GALR1: variants seen among roughly 807,000 people sequenced by gnomAD.
GALR1 encodes the protein galanin receptor type 1.
Under a neutral mutation model 17.9 loss-of-function variants are expected in GALR1, and 11 were observed. The observed-to-expected ratio is 0.62, with a 90% CI of 0.39 to 1.02. The LOEUF is 1.02. GALR1 is among the 50% of genes least tolerant of loss of function. The pLI, the probability that GALR1 is intolerant of heterozygous loss-of-function variation, is 0.01. For missense variants in GALR1, 441 were observed against 456.9 expected (o/e 0.97, Z 0.32); for synonymous variants, 206 against 205.7 (o/e 1.00, Z -0.01).
intron 2 of GALR1, among the ~76,000 whole-genome samples, chr18:77,261,000 G>GT (rs35156015): frequency 1.6e-4 from 24 of 145,658 alleles, no homozygotes; most frequent in Admixed American, 5.5e-4. Flanking sequence ...AATTTGTGAG[G>GT]TTTTTTTTTT....
rs770801123 is a variant in GALR1, at chr18:77,250,727, G to A, written c.179G>A (p.Arg60His). 6.8e-6 allele frequency: 11 copies of A among 1,613,726 alleles called. No individual in the cohort carries two copies. The Middle Eastern group carries it at 5.0e-4, about 73-fold the overall frequency. Residue 60 changes from arginine (R) to histidine (H), a missense_variant, in exon 1 of 3, where the codon CGC becomes CAC. Physicochemically the swap from Arg to His is conservative, Grantham distance 29. Coordinates refer to ENST00000299727, the MANE Select transcript of GALR1 (RefSeq NM_001480.4). ...AGCCTAGTGATCACCGTGCTGGCGC[G>A]CAGCAAGCCGGGCAAGCCGCGGAGC... The part of the protein sequence containing the change: ...GNSLVITVLA[R>H]SKPGKPRSTT...
At position 77,269,083 on chromosome 18, in the gene GALR1, G is replaced by C. The variant is rs912792063; in HGVS notation, c.*181G>C. 3.5e-6 allele frequency: 2 copies of C among 578,322 alleles called. No individual in the cohort carries two copies. Among genetic ancestry groups the C allele is most frequent in the Admixed American group, 6.9e-5 (2 of 29,184 alleles). The allele number at this position is 578,322 out of a possible 1,614,324, so 35.8% of individuals were successfully genotyped here. On this transcript the variant is annotated 3_prime_UTR_variant, in exon 3 of 3. Transcript: ENST00000299727. ...TCCATTTAGGAAATTCCTAGGTCTA[G>C]TGAGAATTATTTTTCAATTTTATTT... is the stretch of plus-strand genomic sequence containing the variant.
At chr18:77,254,828 C>T (rs1051021215) in intron 1 of GALR1, among the ~76,000 whole-genome samples, 12 of 152,206 alleles carry the variant, frequency 7.9e-5, no homozygotes, top group Non-Finnish European at 1.3e-4. Flanking sequence ...TCCTGCGGCA[C>T]GTAAACACTT....
rs952059753 is a variant in GALR1 at position 77,277,384 on chromosome 18, T to G, written c.*8482T>G. ...TGCGATAGTGAGTTCTCAGGAGATCTGATGGTTTTATAAGCATCTAGCATT... is the reference window on the plus strand; with the variant it reads ...TGCGATAGTGAGTTCTCAGGAGATCGGATGGTTTTATAAGCATCTAGCATT... On this transcript the variant is annotated 3_prime_UTR_variant, in exon 3 of 3. Coordinates refer to ENST00000299727, the MANE Select transcript of GALR1 (RefSeq NM_001480.4). The G allele has an allele frequency of 6.6e-6, 1 of 152,230 alleles. No individual in the cohort carries two copies. The highest frequency in any genetic ancestry group is 1.5e-5 in the Non-Finnish European group (1 of 68,062). 9.4% of individuals were successfully genotyped at this position (152,230 alleles called of 1,614,324 possible).
At chr18:77,267,689 C>A (rs1481742584) in intron 2 of GALR1, among the ~76,000 whole-genome samples, 9 of 152,296 alleles carry the variant, frequency 5.9e-5, no homozygotes, top group Non-Finnish European at 1.3e-4. Flanking sequence ...TGGATCATTG[C>A]CTTTTCTTTG....
chr18:77,267,778 G>A (rs1912974664), intron 2 of GALR1, among the ~76,000 whole-genome samples: 1 of 152,238 alleles, frequency 6.6e-6, no homozygotes, highest in Admixed American at 6.5e-5. Context: ...GAACAGACGA[G>A]GTTGCCCTGA....
At position 77,272,599 on chromosome 18, in the gene GALR1, A is replaced by G. The variant is rs1348981447; in HGVS notation, c.*3697A>G. ...TACTGTCTAAAATTTGTAAATTTTA[A>G]TCTTCACTGTTGCACATATTTTCCA... On this transcript the variant is annotated 3_prime_UTR_variant, in exon 3 of 3. Coordinates refer to ENST00000299727, the MANE Select transcript of GALR1 (RefSeq NM_001480.4). The G allele has an allele frequency of 6.6e-6, 1 of 152,230 alleles. No individual in the cohort carries two copies. Among genetic ancestry groups the G allele is most frequent in the Non-Finnish European group, 1.5e-5 (1 of 68,038 alleles). The allele number at this position is 152,230 out of a possible 1,614,324, so 9.4% of individuals were successfully genotyped here. A position where few individuals can be genotyped will look rare whatever the true frequency, so the allele number is the denominator to read the frequency against.
At position 77,269,131 on chromosome 18, in the gene GALR1, A is replaced by C. The variant is rs761040167; in HGVS notation, c.*229A>C. On this transcript the variant is annotated 3_prime_UTR_variant, in exon 3 of 3. Coordinates refer to ENST00000299727, the MANE Select transcript of GALR1 (RefSeq NM_001480.4). ...TTTTAGTTCTAAATTATGTTTCAGA[A>C]ACAAAAGACAATGCTGTACAGTTTT... 7.7e-6 allele frequency: 4 copies of C among 521,126 alleles called. No individual in the cohort carries two copies. Among genetic ancestry groups the C allele is most frequent in the Non-Finnish European group, 1.4e-5 (4 of 295,516 alleles). The allele number at this position is 521,126 out of a possible 1,614,324, so 32.3% of individuals were successfully genotyped here. A position where few individuals can be genotyped will look rare whatever the true frequency, so the allele number is the denominator to read the frequency against.
In GALR1 at chr18:77,251,149, G is replaced by T. The variant is rs1163498188; in HGVS notation, c.601G>T (p.Val201Leu). The T allele has an allele frequency of 1.2e-6, 2 of 1,612,970 alleles. No homozygotes were observed. Among genetic ancestry groups the T allele is most frequent in the African/African-American group, 2.7e-5 (2 of 74,942 alleles). ...CGACCCTCGCCACAAGAAGGCCTAC[G>T]TGGTGTGCACCTTCGTCTTCGGCTA... ...WPDPRHKKAYVVCTFVFGYLL... is the reference protein window; with the variant it reads ...WPDPRHKKAYLVCTFVFGYLL... The change falls in exon 1 of 3, where the codon GTG becomes TTG. Residue 201 changes from valine (V) to leucine (L), a missense_variant. Physicochemically the swap from Val to Leu is conservative, Grantham distance 32. Coordinates refer to ENST00000299727, the MANE Select transcript of GALR1 (RefSeq NM_001480.4).
At chr18:77,258,747 T>C (rs1912685361) in intron 2 of GALR1, among the ~76,000 whole-genome samples, 1 of 116,704 alleles carries the variant, frequency 8.6e-6, no homozygotes, top group Non-Finnish European at 1.8e-5. Flanking sequence ...ATGATGGTTA[T>C]GGTGGTGATG....
In GALR1 at chr18:77,268,788, G is replaced by C. The variant is rs772751317; in HGVS notation, c.936G>C (p.Lys312Asn). The part of the protein sequence containing the change: ...IYAFLSENFR[K>N]AYKQVFKCHI... ...CATTTCTCTCTGAAAATTTCAGGAA[G>C]GCCTATAAACAAGTGTTCAAGTGTC... is the stretch of plus-strand genomic sequence containing the variant. The change falls in exon 3 of 3, where the codon AAG becomes AAC. Residue 312 changes from lysine to asparagine, a missense_variant. By Grantham distance (94) the Lys-to-Asn change is moderately conservative. Coordinates refer to ENST00000299727, the MANE Select transcript of GALR1 (RefSeq NM_001480.4). 2.5e-6 allele frequency: 4 copies of C among 1,613,874 alleles called. No homozygotes were observed. Among genetic ancestry groups the C allele is most frequent in the South Asian group, 2.2e-5 (2 of 91,082 alleles).
chr18:77,261,791 C>A (rs1473973475), intron 2 of GALR1, among the ~76,000 whole-genome samples: 2 of 152,090 alleles, frequency 1.3e-5, no homozygotes, highest in Admixed American at 6.6e-5. Flanking sequence ...TTATGTAATT[C>A]ATCAGTGGTT....
In GALR1 at chr18:77,252,941, C is replaced by T. The variant is rs142409016; in HGVS notation, c.666+1727C>T. ...ACCACCATCACCACCACCACCACCA[C>T]CACCACCATCACCACCATCACCACC... On this transcript the variant is annotated intron_variant, in intron 1 of 2. Coordinates refer to ENST00000299727, the MANE Select transcript of GALR1 (RefSeq NM_001480.4). 7.8e-3 allele frequency among the ~76,000 whole-genome samples: 407 copies of T among 52,292 alleles called. 1 individual carries two copies. Among genetic ancestry groups the T allele is most frequent in the Middle Eastern group, 0.035 (4 of 114 alleles). The allele number at this position is 52,292 out of a possible 152,430, so 34.3% of individuals were successfully genotyped here.
intron 2 of GALR1, among the ~76,000 whole-genome samples, chr18:77,262,661 A>G (rs1205586970): frequency 6.6e-6 from 1 of 152,188 alleles, no homozygotes; most frequent in Non-Finnish European, 1.5e-5. Flanking sequence ...ATAAACAAGA[A>G]AATAGTAATC....
Position 77,259,174 on chromosome 18 carries a change from G to C in GALR1, c.732+2951G>C, listed in dbSNP as rs1424708119. ...TCATGGTGGTGATGATGGTGGTGAT[G>C]ATGGTGGTGATGATGGTGGTGATGA... is the stretch of plus-strand genomic sequence containing the variant. On this transcript the variant is annotated intron_variant, in intron 2 of 2. Coordinates refer to ENST00000299727, the MANE Select transcript of GALR1 (RefSeq NM_001480.4). Among the ~76,000 whole-genome samples the C allele has an allele frequency of 4.5e-3, 20 of 4,430 alleles. 7 individuals carry two copies. Among genetic ancestry groups the C allele is most frequent in the East Asian group, 0.14 (2 of 14 alleles). The allele number at this position is 4,430 out of a possible 152,430, so 2.9% of individuals were successfully genotyped here.
chr18:77,251,155 T>G lies in GALR1; in HGVS notation c.607T>G (p.Cys203Gly). The G allele has an allele frequency of 6.2e-7, 1 of 1,612,312 alleles. No homozygotes were observed. Among genetic ancestry groups the G allele is most frequent in the Non-Finnish European group, 8.5e-7 (1 of 1,179,244 alleles). ...DPRHKKAYVV[C>G]TFVFGYLLPL... is the part of the protein sequence containing the mutation. ...TCGCCACAAGAAGGCCTACGTGGTG[T>G]GCACCTTCGTCTTCGGCTACCTGCT... The change falls in exon 1 of 3, where the codon TGC (cysteine) becomes GGC (glycine). Residue 203 changes from cysteine to glycine, a missense_variant. Physicochemically the swap from Cys to Gly is radical, Grantham distance 159. Coordinates refer to ENST00000299727, the MANE Select transcript of GALR1 (RefSeq NM_001480.4).
In GALR1 at chr18:77,250,788, C is replaced by A. The variant is rs374729499; in HGVS notation, c.240C>A (p.Ala80=). 1 of 1,614,006 alleles carries A rather than the reference C, an allele frequency of 6.2e-7. No homozygotes were observed. ...TNLFILNLSI[A]DLAYLLFCIP... ...TGTTCATCCTCAACCTGAGCATCGC[C>A]GACCTGGCCTACCTGCTCTTCTGCA... The change falls in exon 1 of 3, where the codon GCC becomes GCA. Residue 80 remains alanine (A), a synonymous_variant. Transcript: ENST00000299727.
In GALR1 at chr18:77,253,272, C is replaced by A. The variant is rs116416028; in HGVS notation, c.666+2058C>A. 5.8e-3 allele frequency among the ~76,000 whole-genome samples: 878 copies of A among 152,178 alleles called. 10 individuals carry two copies. The highest frequency in any genetic ancestry group is 0.02 in the African/African-American group (829 of 41,512). On this transcript the variant is annotated intron_variant, in intron 1 of 2. Coordinates refer to ENST00000299727, the MANE Select transcript of GALR1 (RefSeq NM_001480.4). ...TATTTTATTATTTAAGGAAAAAGAG[C>A]TTTGGAAAGGAACACCTGACCCAGA... is the stretch of plus-strand genomic sequence containing the variant.
intron 1 of GALR1, among the ~76,000 whole-genome samples, chr18:77,252,485 C>G (rs1456866123): frequency 1.3e-5 from 2 of 152,234 alleles, no homozygotes; most frequent in Non-Finnish European, 2.9e-5. Flanking sequence ...TATAAGCCAC[C>G]TGTTTCCCCC....
Sources: allele counts gnomAD v4.1 joint callset (sites outside exome capture counted in the v4.1 genomes callset), GRCh38; gene constraint gnomAD v4.1.1; transcripts MANE v1.5; gene names NCBI Gene and HGNC (gene_info 2026-07-23, HGNC 2026-07-21).